The following ZNF804B variants were observed in gnomAD, a reference collection of about 807,000 sequenced individuals.
ZNF804B encodes zinc finger protein 804B.
ZNF804B carries 80 observed loss-of-function variants against 101.4 expected under a neutral mutation model. That is an observed-to-expected ratio of 0.79 (90% confidence interval 0.66 to 0.95). The LOEUF (loss-of-function observed/expected upper bound fraction) is 0.95. ZNF804B is among the 40% of genes least tolerant of loss of function. The probability of loss-of-function intolerance (pLI) is 0.00; values close to 1 mark genes in which losing one functional copy is unlikely to be tolerated. For synonymous variants in ZNF804B, 622 were observed against 558.8 expected (o/e 1.11, Z -1.59); for missense variants, 1,673 against 1,561.9 (o/e 1.07, Z -1.20).
chr7:89,278,911 G>A (rs1790033245), intron 2 of ZNF804B, among the ~76,000 whole-genome samples: 1 of 152,038 alleles, frequency 6.6e-6, no homozygotes, highest in Admixed American at 6.6e-5. Context: ...GCTTGATGGG[G>A]ATGGCATTGA....
intron 2 of ZNF804B, among the ~76,000 whole-genome samples, chr7:89,300,839 G>C (rs1413150300): frequency 6.6e-6 from 1 of 151,920 alleles, no homozygotes; most frequent in Non-Finnish European, 1.5e-5. Context: ...AGATTGCTCT[G>C]TTTGTATTGT....
At chr7:89,302,093 A>T (rs777871181) in intron 2 of ZNF804B, among the ~76,000 whole-genome samples, 1 of 111,052 alleles carries the variant, frequency 9.0e-6, no homozygotes, top group Non-Finnish European at 2.1e-5. Context: ...CATAAGCACA[A>T]ACAATGTCTT....
At chr7:89,116,295 ATG>A (rs1275553733) in intron 1 of ZNF804B, among the ~76,000 whole-genome samples, 1 of 152,154 alleles carries the variant, frequency 6.6e-6, no homozygotes, top group African/African-American at 2.4e-5. Flanking sequence ...ATGGTTCAAA[ATG>A]TTTATGATTT....
intron 1 of ZNF804B, among the ~76,000 whole-genome samples, chr7:88,813,081 G>A (rs924195755): frequency 6.6e-6 from 1 of 151,964 alleles, no homozygotes; most frequent in African/African-American, 2.4e-5. Flanking sequence ...TACATGTAAT[G>A]TCAATTATAT....
intron 1 of ZNF804B, among the ~76,000 whole-genome samples, chr7:88,967,820 T>G (rs369299645): frequency 8.6e-5 from 13 of 151,382 alleles, no homozygotes; most frequent in Admixed American, 2.6e-4. Context: ...CCAAAATTGT[T>G]CCTGGAGCCA....
At chr7:88,802,589 T>C (rs1285944369) in intron 1 of ZNF804B, among the ~76,000 whole-genome samples, 2 of 152,130 alleles carry the variant, frequency 1.3e-5, no homozygotes, top group East Asian at 1.9e-4. Flanking sequence ...ATAAATGATA[T>C]GAAAAATAAC....
At chr7:89,182,585 A>T (rs1788313464) in intron 1 of ZNF804B, among the ~76,000 whole-genome samples, 1 of 152,164 alleles carries the variant, frequency 6.6e-6, no homozygotes, top group South Asian at 2.1e-4. Context: ...TTTCTTGATG[A>T]CCTTGTACAA....
intron 2 of ZNF804B, among the ~76,000 whole-genome samples, chr7:89,300,725 A>G (rs1396700893): frequency 6.6e-6 from 1 of 151,976 alleles, no homozygotes; most frequent in African/African-American, 2.4e-5. Flanking sequence ...CATGTGTGAT[A>G]TCACAGACCA....
At chr7:89,287,925 G>T (rs1216360482) in intron 2 of ZNF804B, among the ~76,000 whole-genome samples, 1 of 96,902 alleles carries the variant, frequency 1.0e-5, no homozygotes, top group Non-Finnish European at 2.1e-5. Context: ...TAATTTAATA[G>T]ATTTTCAGGA....
chr7:89,065,971 A>G (rs1342554966), intron 1 of ZNF804B, among the ~76,000 whole-genome samples: 1 of 152,100 alleles, frequency 6.6e-6, no homozygotes, highest in African/African-American at 2.4e-5. Flanking sequence ...AATTTTGAGG[A>G]TTAGAAAGTA....
intron 1 of ZNF804B, among the ~76,000 whole-genome samples, chr7:89,016,621 C>A (rs1372844493): frequency 6.6e-6 from 1 of 150,708 alleles, no homozygotes; most frequent in Non-Finnish European, 1.5e-5. Flanking sequence ...TTGTTTTTCT[C>A]AGGTTTGTCA....
chr7:89,025,981 G>A (rs1033640992), intron 1 of ZNF804B, among the ~76,000 whole-genome samples: 5 of 151,966 alleles, frequency 3.3e-5, no homozygotes, highest in Non-Finnish European at 7.4e-5. Context: ...TTGATTAACT[G>A]GCCCCTATCT....
Position 89,270,264 on chromosome 7 carries a change from A to G in ZNF804B, c.249+51969A>G, listed in dbSNP as rs550349911. Among the ~76,000 whole-genome samples, 4 of 152,340 alleles carry G rather than the reference A, an allele frequency of 2.6e-5. No homozygotes were observed. In the South Asian group the frequency reaches 6.2e-4, roughly 24 times the overall value. The stretch of plus-strand genomic sequence containing the variant: ...TGTATAAGGTGTAAGGAAGGGATCC[A>G]CTTTCAGCTTCCTACATATGGCTAG... On this transcript the variant is annotated intron_variant, in intron 2 of 3. Coordinates refer to ENST00000333190, the MANE Select transcript of ZNF804B (RefSeq NM_181646.5).
At position 89,216,132 on chromosome 7, in the gene ZNF804B, C is replaced by A. The variant is rs1404546583; in HGVS notation, c.109-2023C>A. Among the ~76,000 whole-genome samples, 3 of 151,944 alleles carry A rather than the reference C, an allele frequency of 2.0e-5. No homozygotes were observed. The East Asian group carries it at 5.8e-4, about 30-fold the overall frequency. On this transcript the variant is annotated intron_variant, in intron 1 of 3. Coordinates refer to ENST00000333190, the MANE Select transcript of ZNF804B (RefSeq NM_181646.5). The stretch of plus-strand genomic sequence containing the variant: ...CAGCCTAGCTAACATGGTGAAACCC[C>A]GTCTCTACTAAAAATACAAAAAAAC...
At chr7:88,868,102 A>T (rs952354487) in intron 1 of ZNF804B, among the ~76,000 whole-genome samples, 5 of 149,974 alleles carry the variant, frequency 3.3e-5, no homozygotes, top group Admixed American at 1.3e-4. Context: ...GCTTTTCTTT[A>T]AGCAACAAAT....
At position 89,067,743 on chromosome 7, in the gene ZNF804B, T is replaced by G. The variant is rs114294569; in HGVS notation, c.109-150412T>G. Among the ~76,000 whole-genome samples the G allele has an allele frequency of 2.7e-3, 404 of 152,244 alleles. 2 individuals are homozygous for G. Among genetic ancestry groups the G allele is most frequent in the African/African-American group, 9.2e-3 (384 of 41,544 alleles). ...ACAGGGGCTGTGAAGTCAAACAGCC[T>G]GAGTTCAAAGCCAGGTTTCATCATA... On this transcript the variant is annotated intron_variant, in intron 1 of 3. Coordinates refer to ENST00000333190, the MANE Select transcript of ZNF804B (RefSeq NM_181646.5).
intron 1 of ZNF804B, among the ~76,000 whole-genome samples, chr7:88,953,701 C>G (rs2116074124): frequency 6.6e-6 from 1 of 151,790 alleles, no homozygotes; most frequent in Non-Finnish European, 1.5e-5. Flanking sequence ...ATCATAGAAT[C>G]TTAAGATTCT....
In ZNF804B at chr7:89,108,897, G is replaced by T. The variant is rs918449297; in HGVS notation, c.109-109258G>T. On this transcript the variant is annotated intron_variant, in intron 1 of 3. Coordinates refer to ENST00000333190, the MANE Select transcript of ZNF804B (RefSeq NM_181646.5). ...AATACATTGCTTGAAAACACCAGAG[G>T]AAGAAAAGAAAATTAGTTCCTGAAT... Among the ~76,000 whole-genome samples, 3 of 152,020 alleles carry T rather than the reference G, an allele frequency of 2.0e-5. No homozygotes were observed. In the East Asian group the frequency reaches 5.8e-4, roughly 29 times the overall value.
chr7:89,334,767 T>C lies in ZNF804B; in HGVS notation c.1785T>C (p.Asn595=). Residue 595 remains asparagine, a synonymous_variant, in exon 4 of 4, where the codon AAT becomes AAC. Transcript: ENST00000333190. ...CTCTAAAGGATTGTGCTGGAAAGAA[T>C]AATAGTAGTGAGAACAAACTTAAGG... is the stretch of plus-strand genomic sequence containing the variant. The part of the protein sequence containing the change: ...NTSLKDCAGK[N]NSSENKLKEA... 1 of 1,613,774 alleles carries C rather than the reference T, an allele frequency of 6.2e-7. No individual in the cohort carries two copies. Among genetic ancestry groups the C allele is most frequent in the Non-Finnish European group, 8.5e-7 (1 of 1,179,836 alleles).
Sources: gnomAD v4.1 joint callset for allele counts (sites outside exome capture counted in the v4.1 genomes callset) on GRCh38, gnomAD v4.1.1 for gene constraint, MANE v1.5 for transcripts, NCBI Gene and HGNC (gene_info 2026-07-23, HGNC 2026-07-21) for gene names.